EIF2AK4: variants seen among roughly 807,000 people sequenced by gnomAD.
The protein encoded by EIF2AK4 is eIF-2-alpha kinase GCN2.
Under a neutral mutation model 211.1 loss-of-function variants are expected in EIF2AK4, and 139 were observed. The ratio of observed to expected loss-of-function variants is 0.66; its 90% CI spans 0.57 to 0.76. The LOEUF is 0.76. Among genes scored for constraint, EIF2AK4 ranks in the 30% least tolerant of loss-of-function variants. The pLI is 0.00. For synonymous variants in EIF2AK4, 710 were observed against 751.3 expected, an observed-to-expected ratio of 0.94 and a Z score of 0.90; for missense variants, 1,664 against 2,043.8, an observed-to-expected ratio of 0.81 and a Z score of 3.58.
chr15:39,985,954 G>A, intron 14 of EIF2AK4, 66 bp downstream of exon 14: 1 of 1,417,784 alleles, frequency 7.1e-7, no homozygotes, highest in Non-Finnish European at 9.9e-7. Context: ...GCCTGTTTCA[G>A]GGTATTAGAA....
chr15:39,976,897 C>CT, intron 12 of EIF2AK4, 53 bp downstream of exon 12: 1 of 1,400,182 alleles, frequency 7.1e-7, no homozygotes, highest in Non-Finnish European at 9.2e-7. Flanking sequence ...AGTTTCCTTT[C>CT]TTTATTTTTT....
intron 2 of EIF2AK4, 54 bp from the exon 3 acceptor site, chr15:39,943,329 G>A (rs1026834286): frequency 1.5e-5 from 21 of 1,384,802 alleles, no homozygotes; most frequent in Non-Finnish European, 2.0e-5. Context: ...AATGCAAACA[G>A]GCTATACTTT....
At chr15:39,986,027 C>T (rs544023310) in intron 14 of EIF2AK4, 139 bp downstream of exon 14, 2 of 716,920 alleles carry the variant, frequency 2.8e-6, no homozygotes, top group African/African-American at 3.6e-5. Context: ...GAGAGGATTA[C>T]CATATGGAGG....
intron 4 of EIF2AK4, among the ~76,000 whole-genome samples, chr15:39,952,168 A>T (rs1467513161): frequency 3.9e-5 from 6 of 152,234 alleles, no homozygotes; most frequent in African/African-American, 7.2e-5. Context: ...TATTGATTTT[A>T]AAAAATCTTA....
intron 35 of EIF2AK4, among the ~76,000 whole-genome samples, chr15:40,031,315 C>G (rs530176198): frequency 2.5e-4 from 38 of 152,246 alleles, no homozygotes; most frequent in Admixed American, 2.0e-3. Flanking sequence ...TGGACATATG[C>G]AAAAGAGTGA....
At chr15:39,967,967 A>G (rs2034568872) in intron 9 of EIF2AK4, 88 bp downstream of exon 9, 1 of 1,346,124 alleles carries the variant, frequency 7.4e-7, no homozygotes, top group Non-Finnish European at 1.0e-6. Context: ...AGTGATGTGG[A>G]AGCTGAGAAG....
At chr15:40,022,242 CTTTTA>C (rs1158705951) in intron 31 of EIF2AK4, 2 of 247,698 alleles carry the variant, frequency 8.1e-6, no homozygotes, top group Non-Finnish European at 1.5e-5. Flanking sequence ...TTTTGGGCAT[CTTTTA>C]TTAAGTCTTG....
chr15:40,019,177 G>C lies in EIF2AK4; in HGVS notation c.4150G>C (p.Ala1384Pro). The change falls in exon 30 of 39, where the codon GCT becomes CCT. Residue 1384 changes from alanine to proline, a missense_variant. By Grantham distance (27) the Ala-to-Pro change is conservative. Coordinates refer to ENST00000263791, the MANE Select transcript of EIF2AK4 (RefSeq NM_001013703.4). ...CATAGCTATAGACAAGATATCTGCTGCTGTCCTCAACATGGAGGAATCTGT... is the reference window on the plus strand; with the variant it reads ...CATAGCTATAGACAAGATATCTGCTCCTGTCCTCAACATGGAGGAATCTGT... Reference protein sequence around the residue: ...VSIAIDKISAAVLNMEESVTI... With the variant: ...VSIAIDKISAPVLNMEESVTI... 1 of 1,598,452 alleles carries C rather than the reference G, an allele frequency of 6.3e-7. No individual in the cohort carries two copies. Among genetic ancestry groups the C allele is most frequent in the Non-Finnish European group, 8.5e-7 (1 of 1,172,278 alleles).
At chr15:40,018,987 T>G in intron 29 of EIF2AK4, 106 bp from the exon 30 acceptor site, 1 of 810,584 alleles carries the variant, frequency 1.2e-6, no homozygotes, top group South Asian at 1.6e-5. Flanking sequence ...GTTGAACTCT[T>G]TGATGATGAG....
At chr15:39,955,818 T>C in intron 6 of EIF2AK4, 50 bp downstream of exon 6, 1 of 1,527,218 alleles carries the variant, frequency 6.5e-7, no homozygotes, top group South Asian at 1.3e-5. Flanking sequence ...GTAGAAGGAT[T>C]TTACTACATT....
intron 2 of EIF2AK4, among the ~76,000 whole-genome samples, chr15:39,940,684 G>C (rs905946042): frequency 3.3e-5 from 5 of 152,038 alleles, no homozygotes; most frequent in African/African-American, 9.7e-5. Flanking sequence ...TGCCTCTCTA[G>C]GTTGTTTTTT....
At chr15:39,999,955 T>C (rs1170106399) in intron 20 of EIF2AK4, among the ~76,000 whole-genome samples, 1 of 152,190 alleles carries the variant, frequency 6.6e-6, no homozygotes, top group Non-Finnish European at 1.5e-5. Flanking sequence ...CCCTTGAGCA[T>C]TTGAGTCTGG....
intron 7 of EIF2AK4, 45 bp from the exon 8 acceptor site, chr15:39,965,641 A>G (rs1352455157): frequency 1.2e-6 from 2 of 1,606,086 alleles, no homozygotes; most frequent in Non-Finnish European, 1.7e-6. Flanking sequence ...CCCCAAGAGA[A>G]AACATACCAG....
chr15:39,992,413 ACTTTAAGAAATTAGAG>A (rs1482209282), intron 17 of EIF2AK4, 184 bp downstream of exon 17: 1 of 549,238 alleles, frequency 1.8e-6, no homozygotes, highest in African/African-American at 1.9e-5. Flanking sequence ...TATTCTTTGA[ACTTTAAGAAATTAGAG>A]CTTCAGTGAG....
chr15:39,965,875 G>T, intron 8 of EIF2AK4, 32 bp downstream of exon 8: 1 of 1,610,846 alleles, frequency 6.2e-7, no homozygotes, highest in African/African-American at 1.3e-5. Flanking sequence ...CTGAGCAAAA[G>T]GCCTAATCTC....
At chr15:39,963,120 C>T (rs1033588337) in intron 7 of EIF2AK4, among the ~76,000 whole-genome samples, 1 of 152,164 alleles carries the variant, frequency 6.6e-6, no homozygotes, top group Non-Finnish European at 1.5e-5. Flanking sequence ...AAATACTTAA[C>T]CTTGGCAGAC....
At chr15:39,978,996 C>T (rs918950089) in intron 13 of EIF2AK4, among the ~76,000 whole-genome samples, 27 of 152,176 alleles carry the variant, frequency 1.8e-4, no homozygotes, top group Non-Finnish European at 1.3e-4. Flanking sequence ...TTACATGAAA[C>T]GTTTAACAAA....
chr15:39,940,224 T>C (rs1314114851), intron 2 of EIF2AK4, among the ~76,000 whole-genome samples: 2 of 152,206 alleles, frequency 1.3e-5, no homozygotes, highest in African/African-American at 4.8e-5. Context: ...CTGAAGGTGA[T>C]GTCACCTCTG....
At chr15:39,947,827 G>C (rs193069524) in intron 3 of EIF2AK4, among the ~76,000 whole-genome samples, 2 of 152,362 alleles carry the variant, frequency 1.3e-5, no homozygotes, top group East Asian at 3.8e-4. Flanking sequence ...AGTTTGGAAA[G>C]TAGTTCTTTT....
Sources: gnomAD v4.1 joint callset for allele counts (sites outside exome capture counted in the v4.1 genomes callset) on GRCh38, gnomAD v4.1.1 for gene constraint, MANE v1.5 for transcripts, NCBI Gene and HGNC (gene_info 2026-07-23, HGNC 2026-07-21) for gene names.